GRID2: variants seen among roughly 807,000 people sequenced by gnomAD.
The protein encoded by GRID2 is glutamate receptor ionotropic, delta-2.
In GRID2, 33 loss-of-function variants were observed where a neutral mutation model predicts 114.8. That is an observed-to-expected ratio of 0.29 (90% CI 0.22 to 0.38). The LOEUF is 0.38. Among genes scored for constraint, GRID2 ranks in the 10% least tolerant of loss-of-function variants. The pLI is 1.00. For synonymous variants in GRID2, 505 were observed against 449.9 expected (o/e 1.12, Z -1.55); for missense variants, 1,184 against 1,257.7 (o/e 0.94, Z 0.89).
intron 2 of GRID2, among the ~76,000 whole-genome samples, chr4:93,008,931 T>C (rs1037317969): frequency 6.6e-5 from 10 of 152,178 alleles, no homozygotes; most frequent in African/African-American, 2.4e-4. Flanking sequence ...GCTTGCCTAA[T>C]GTCCTTGGAT....
intron 2 of GRID2, among the ~76,000 whole-genome samples, chr4:93,028,799 G>A (rs745979479): frequency 2.6e-5 from 4 of 151,986 alleles, no homozygotes; most frequent in African/African-American, 7.2e-5. Context: ...TGAGGTAGCT[G>A]GTCCTGCTTT....
intron 2 of GRID2, among the ~76,000 whole-genome samples, chr4:92,733,925 CA>C (rs1274399940): frequency 6.6e-6 from 1 of 151,972 alleles, no homozygotes; most frequent in African/African-American, 2.4e-5. Context: ...GCAGGGAGCC[CA>C]GAGGGGGATC....
chr4:92,326,858 T>C (rs1472081226), intron 1 of GRID2, among the ~76,000 whole-genome samples: 1 of 152,006 alleles, frequency 6.6e-6, no homozygotes. Context: ...ATTAACTGTG[T>C]CAAGAACAGT....
intron 2 of GRID2, among the ~76,000 whole-genome samples, chr4:93,002,424 A>T (rs1313775928): frequency 1.3e-5 from 2 of 151,586 alleles, no homozygotes; most frequent in Non-Finnish European, 3.0e-5. Context: ...AACATAGTTG[A>T]TGGGCCGATG....
intron 14 of GRID2, among the ~76,000 whole-genome samples, chr4:93,656,829 CAAAAAA>C (rs61508444): frequency 3.8e-4 from 12 of 31,912 alleles, no homozygotes; most frequent in African/African-American, 1.3e-3. Flanking sequence ...GACTCTGCCT[CAAAAAA>C]AAAAAAAAAA....
chr4:93,211,985 C>T (rs891867426), intron 5 of GRID2, among the ~76,000 whole-genome samples: 5 of 152,000 alleles, frequency 3.3e-5, no homozygotes, highest in African/African-American at 1.2e-4. Flanking sequence ...TTTTCTTGCA[C>T]ACTTTTCATT....
intron 2 of GRID2, among the ~76,000 whole-genome samples, chr4:92,878,238 A>G: frequency 6.6e-6 from 1 of 152,160 alleles, no homozygotes; most frequent in Non-Finnish European, 1.5e-5. Flanking sequence ...TCCATTAAAA[A>G]TGTTTATTAT....
At chr4:92,755,585 G>A (rs545687061) in intron 2 of GRID2, among the ~76,000 whole-genome samples, 2 of 152,172 alleles carry the variant, frequency 1.3e-5, no homozygotes, top group East Asian at 3.9e-4. Flanking sequence ...GATGAGTGAT[G>A]AACGTTACAG....
intron 13 of GRID2, among the ~76,000 whole-genome samples, chr4:93,613,249 T>C (rs1741166893): frequency 7.0e-6 from 1 of 142,450 alleles, no homozygotes; most frequent in East Asian, 2.0e-4. Flanking sequence ...TCTTTGCCTT[T>C]GGTTTGAATG....
At chr4:92,345,940 G>C (rs554438101) in intron 1 of GRID2, among the ~76,000 whole-genome samples, 1 of 152,270 alleles carries the variant, frequency 6.6e-6, no homozygotes, top group African/African-American at 2.4e-5. Context: ...TATCAAAAGT[G>C]TTGTTAATAA....
intron 14 of GRID2, among the ~76,000 whole-genome samples, chr4:93,686,125 C>CA (rs1726056749): frequency 1.3e-5 from 2 of 151,930 alleles, no homozygotes; most frequent in South Asian, 4.1e-4. Context: ...TCTCCATTGC[C>CA]AAAACTATCT....
intron 1 of GRID2, among the ~76,000 whole-genome samples, chr4:92,384,630 TAA>T (rs1413274587): frequency 1.3e-4 from 12 of 90,062 alleles, no homozygotes; most frequent in African/African-American, 5.2e-4. Flanking sequence ...ATATTATATA[TAA>T]TATATATTAT....
intron 1 of GRID2, among the ~76,000 whole-genome samples, chr4:92,521,097 A>G (rs1579509696): frequency 6.6e-6 from 1 of 151,954 alleles, no homozygotes; most frequent in South Asian, 2.1e-4. Flanking sequence ...CTCAATAAAT[A>G]AATTTATTGA....
intron 2 of GRID2, among the ~76,000 whole-genome samples, chr4:93,023,214 C>G (rs1465332578): frequency 1.3e-5 from 2 of 149,382 alleles, no homozygotes; most frequent in African/African-American, 4.9e-5. Flanking sequence ...CTGATTTTAC[C>G]ATTTTTAATT....
intron 2 of GRID2, among the ~76,000 whole-genome samples, chr4:92,759,593 C>T (rs1387320914): frequency 6.6e-6 from 1 of 151,902 alleles, no homozygotes; most frequent in Admixed American, 6.6e-5. Flanking sequence ...TGTGTATCAT[C>T]TATGCTCTCA....
intron 4 of GRID2, among the ~76,000 whole-genome samples, chr4:93,205,892 A>T (rs979554940): frequency 3.3e-5 from 5 of 151,940 alleles, no homozygotes; most frequent in Non-Finnish European, 5.9e-5. Context: ...TTTGATTTGC[A>T]TTTCTCTGAT....
intron 1 of GRID2, among the ~76,000 whole-genome samples, chr4:92,362,792 T>C (rs1378995560): frequency 1.3e-5 from 2 of 152,042 alleles, no homozygotes; most frequent in African/African-American, 4.8e-5. Context: ...TTGAGGTAAT[T>C]ATGAAGTGAG....
chr4:93,118,851 A>G (rs1733521549), intron 4 of GRID2, among the ~76,000 whole-genome samples: 2 of 152,190 alleles, frequency 1.3e-5, no homozygotes, highest in African/African-American at 2.4e-5. Context: ...AATTCTGGTA[A>G]AAGGGGAATA....
intron 14 of GRID2, among the ~76,000 whole-genome samples, chr4:93,638,311 T>A (rs1897991): frequency 0.27 from 22,849 of 83,988 alleles, 8,298 homozygotes; most frequent in East Asian, 0.57. Flanking sequence ...CTTTTTTTTT[T>A]TTTTTTTTAA....
Sources: gnomAD v4.1 joint callset for allele counts (sites outside exome capture counted in the v4.1 genomes callset) on GRCh38, gnomAD v4.1.1 for gene constraint, MANE v1.5 for transcripts, NCBI Gene and HGNC (gene_info 2026-07-23, HGNC 2026-07-21) for gene names.